The following TRMT2B variants were observed in gnomAD, a reference collection of about 807,000 sequenced individuals.
TRMT2B encodes the protein tRNA methyltransferase 2B, also known as tRNA (uracil-5-)-methyltransferase homolog B.
A neutral mutation model predicts 39.7 loss-of-function variants in TRMT2B; 34 were observed. That is an observed-to-expected ratio of 0.86 (90% CI 0.65 to 1.14). The LOEUF (loss-of-function observed/expected upper bound fraction) is 1.14. TRMT2B is among the 50% of genes most tolerant of loss of function. TRMT2B has a pLI of 0.00. For missense variants in TRMT2B, 318 were observed against 377.2 expected (o/e 0.84, Z 1.30); for synonymous variants, 132 against 137.3 (o/e 0.96, Z 0.27).
the TRMT2B span, among the ~76,000 whole-genome samples, chrX:100,997,351 A>T: frequency 8.9e-6 from 1 of 112,295 alleles, no homozygotes; most frequent in Non-Finnish European, 1.9e-5. Context: ...CCCTAACGGT[A>T]GCATCTCATC....
downstream of TRMT2B, among the ~76,000 whole-genome samples, chrX:101,008,720 T>A (rs1292704054): frequency 8.9e-6 from 1 of 112,106 alleles, no homozygotes; most frequent in Non-Finnish European, 1.9e-5. Flanking sequence ...TTCTTTGATA[T>A]ACAAACTAAC....
intron 7 of TRMT2B, among the ~76,000 whole-genome samples, chrX:101,035,241 A>G (rs2087763482): frequency 9.0e-6 from 1 of 111,415 alleles, no homozygotes; most frequent in Admixed American, 9.7e-5. Context: ...ATGATGTACT[A>G]TCTTATCACC....
In TRMT2B at chrX:101,049,289, T is replaced by C. The variant is rs1418765966; in HGVS notation, c.-24+1962A>G. Among the ~76,000 whole-genome samples, 3 of 108,120 alleles carry C rather than the reference T, an allele frequency of 2.8e-5. No individual in the cohort carries two copies. In the Admixed American group the frequency reaches 3.0e-4, roughly 11 times the overall value. 93.9% of individuals were successfully genotyped at this position (108,120 alleles called of 115,157 possible). ...CAGGAGGATTGCTTAAGGCCAAGAGTTTGAGACCAGTCTGGGCAACATAGC... is the reference window on the plus strand; with the variant it reads ...CAGGAGGATTGCTTAAGGCCAAGAGCTTGAGACCAGTCTGGGCAACATAGC... On this transcript the variant is annotated intron_variant, in intron 2 of 13. Transcript: ENST00000372936.
rs1024542879 is a variant in TRMT2B at position 101,037,782 on chromosome X, A to T, written c.438+135T>A. On this transcript the variant is annotated intron_variant, in intron 5 of 13. Transcript: ENST00000372936. ...TCTACCCCTCCAGGTTATTATAAAC[A>T]GTAAAATGTGACAATGATGCATGAT... 7.2e-5 allele frequency: 47 copies of T among 654,450 alleles called. No individual in the cohort carries two copies. The Admixed American group carries it at 1.1e-3, about 16-fold the overall frequency. 53.9% of individuals were successfully genotyped at this position (654,450 alleles called of 1,213,427 possible).
At chrX:100,975,414 C>T in the TRMT2B span, among the ~76,000 whole-genome samples, 6 of 111,764 alleles carry the variant, frequency 5.4e-5, no homozygotes, top group South Asian at 1.5e-3. Context: ...TTCCACGCAT[C>T]GCTCTGGCAT....
chrX:101,036,805 A>C (rs933070053), intron 6 of TRMT2B, among the ~76,000 whole-genome samples, 169 bp downstream of exon 6: 1 of 112,107 alleles, frequency 8.9e-6, no homozygotes, highest in African/African-American at 3.2e-5. Context: ...CTGTGTTACA[A>C]TGACTACCCA....
chrX:101,000,466 G>A, the TRMT2B span, among the ~76,000 whole-genome samples: 2 of 110,701 alleles, frequency 1.8e-5, no homozygotes, highest in African/African-American at 3.3e-5. Context: ...ATAATCTTTC[G>A]CTAGAATTAC....
chrX:100,974,655 A>C, the TRMT2B span, among the ~76,000 whole-genome samples: 1 of 111,858 alleles, frequency 8.9e-6, no homozygotes, highest in Admixed American at 9.5e-5. Context: ...AAATTCTGTG[A>C]CAGCTAATAT....
At chrX:101,040,689 A>T (rs1190910766) in intron 4 of TRMT2B, among the ~76,000 whole-genome samples, 2 of 111,867 alleles carry the variant, frequency 1.8e-5, no homozygotes, top group Non-Finnish European at 3.8e-5. Context: ...AAATTGCCAC[A>T]TATGGCTACT....
At chrX:100,989,204 C>T in the TRMT2B span, among the ~76,000 whole-genome samples, 4 of 111,196 alleles carry the variant, frequency 3.6e-5, no homozygotes, top group Admixed American at 9.7e-5. Flanking sequence ...ACGTATAGCA[C>T]GATACATATA....
At chrX:100,984,156 C>G in the TRMT2B span, among the ~76,000 whole-genome samples, 209 of 107,758 alleles carry the variant, frequency 1.9e-3, no homozygotes, top group South Asian at 0.018. Context: ...TCTTGTCCCC[C>G]ATGCTGGAGT....
chrX:101,049,666 G>A lies in TRMT2B; in HGVS notation c.-24+1585C>T, dbSNP rs190983106. 3.2e-4 allele frequency among the ~76,000 whole-genome samples: 35 copies of A among 108,429 alleles called. 1 individual carries two copies. The East Asian group carries it at 8.4e-3, about 26-fold the overall frequency. The allele number at this position is 108,429 out of a possible 115,157, so 94.2% of individuals were successfully genotyped here. On this transcript the variant is annotated intron_variant, in intron 2 of 13. Coordinates refer to ENST00000372936, the MANE Select transcript of TRMT2B (RefSeq NM_024917.6). ...AAATTAGCTGGGTGTGGTGGCGCAC[G>A]CCTATAATCCCAGCTACTCAGCAGG...
At chrX:101,049,823 G>A (rs1460154813) in intron 2 of TRMT2B, among the ~76,000 whole-genome samples, 3 of 108,954 alleles carry the variant, frequency 2.8e-5, no homozygotes, top group East Asian at 2.9e-4. Context: ...GAGAATGTAC[G>A]TATTCGATAT....
rs1052314989 is a variant in TRMT2B at position 101,051,346 on chromosome X, G to A, written c.-119C>T. 8.0e-6 allele frequency: 6 copies of A among 751,936 alleles called. No individual in the cohort carries two copies. The East Asian group carries it at 4.6e-4, about 57-fold the overall frequency. The allele number at this position is 751,936 out of a possible 1,213,427, so 62.0% of individuals were successfully genotyped here. A position where few individuals can be genotyped will look rare whatever the true frequency, so the allele number is the denominator to read the frequency against. On this transcript the variant is annotated 5_prime_UTR_variant, in exon 2 of 14. Coordinates refer to ENST00000372936, the MANE Select transcript of TRMT2B (RefSeq NM_024917.6). ...TGCTCACCCTTCCTTCAGCTGGACC[G>A]GCTCCAGACACTATTCCTTGCTAAA...
chrX:101,033,217 T>C (rs1390862043), intron 7 of TRMT2B, among the ~76,000 whole-genome samples: 14 of 103,676 alleles, frequency 1.4e-4, no homozygotes, highest in African/African-American at 4.6e-4. Context: ...GACTGCGCCA[T>C]TGTAATCCAG....
chrX:101,028,111 TC>T (rs1486830048), intron 7 of TRMT2B, among the ~76,000 whole-genome samples: 1 of 98,876 alleles, frequency 1.0e-5, no homozygotes, highest in Non-Finnish European at 2.0e-5. Flanking sequence ...TACTTCTTGC[TC>T]TTTTTTTTTT....
At chrX:101,043,203 T>C (rs746413953) in intron 2 of TRMT2B, among the ~76,000 whole-genome samples, 5 of 110,358 alleles carry the variant, frequency 4.5e-5, no homozygotes, top group Non-Finnish European at 9.5e-5. Context: ...GAGGCAGAGG[T>C]TGCAGTCAGC....
At chrX:100,987,927 A>G in the TRMT2B span, among the ~76,000 whole-genome samples, 1 of 112,009 alleles carries the variant, frequency 8.9e-6, no homozygotes, top group African/African-American at 3.2e-5. Context: ...CCATGAACCT[A>G]CTCAATATTC....
chrX:100,987,860 G>A, the TRMT2B span, among the ~76,000 whole-genome samples: 13 of 111,765 alleles, frequency 1.2e-4, no homozygotes, highest in Non-Finnish European at 1.3e-4. Flanking sequence ...CCATGTGGAG[G>A]AGAAAAGGAA....
Sources: gnomAD v4.1 joint callset for allele counts (sites outside exome capture counted in the v4.1 genomes callset) on GRCh38, gnomAD v4.1.1 for gene constraint, MANE v1.5 for transcripts, NCBI Gene and HGNC (gene_info 2026-07-23, HGNC 2026-07-21) for gene names.